Variants in DAB1 observed in about 807,000 individuals in gnomAD.
The protein encoded by DAB1 is disabled homolog 1.
In DAB1, 15 loss-of-function variants were observed where a neutral mutation model predicts 64.6. The ratio of observed to expected loss-of-function variants is 0.23; its 90% CI spans 0.16 to 0.36. DAB1 has a LOEUF of 0.36. Ranked by LOEUF, DAB1 falls within the 10% of genes least tolerant of loss-of-function variation. The probability of loss-of-function intolerance (pLI) is 1.00; values close to 1 mark genes in which losing one functional copy is unlikely to be tolerated. For synonymous variants in DAB1, 235 were observed against 251.9 expected, an observed-to-expected ratio of 0.93 and a Z score of 0.64; for missense variants, 596 against 706.7, an observed-to-expected ratio of 0.84 and a Z score of 1.78.
chr1:57,699,774 G>C (rs761171915), intron 6 of DAB1, among the ~76,000 whole-genome samples: 2 of 152,076 alleles, frequency 1.3e-5, no homozygotes, highest in East Asian at 1.9e-4. Flanking sequence ...TTAGCTCGGC[G>C]TGGTGGTGCG....
intron 1 of DAB1, among the ~76,000 whole-genome samples, chr1:57,320,918 C>A (rs1334327538): frequency 6.6e-6 from 1 of 152,194 alleles, no homozygotes; most frequent in East Asian, 1.9e-4. Flanking sequence ...TAAATCCAAG[C>A]AGTCTGACTA....
intron 6 of DAB1, among the ~76,000 whole-genome samples, chr1:57,653,343 G>C (rs1029218406): frequency 6.6e-6 from 1 of 152,086 alleles, no homozygotes; most frequent in Non-Finnish European, 1.5e-5. Flanking sequence ...GTATCCTAAC[G>C]TAGGTATCCA....
intron 6 of DAB1, among the ~76,000 whole-genome samples, chr1:57,811,227 A>T (rs1651604372): frequency 6.6e-6 from 1 of 152,196 alleles, no homozygotes; most frequent in Admixed American, 6.5e-5. Context: ...TCCCCACCCA[A>T]ATCTCACGTC....
intron 5 of DAB1, among the ~76,000 whole-genome samples, chr1:57,996,887 C>T (rs1646433546): frequency 6.6e-6 from 1 of 152,078 alleles, no homozygotes; most frequent in African/African-American, 2.4e-5. Context: ...TTTGGGGGGT[C>T]TGTTGGTGAG....
Position 58,473,545 on chromosome 1 carries a change from AAAATAAATAAAT to A in DAB1, n.257+32503_257+32514del, listed in dbSNP as rs56211911. The stretch of plus-strand genomic sequence containing the variant: ...CGACAGAGCAAGACTCCGTCTCAAA[AAAATAAATAAAT>A]AAATAAATAAATAAATAAATAAATA... On this transcript the variant is annotated intron_variant and non_coding_transcript_variant, in intron 3 of 20. Coordinates refer to the DAB1 transcript ENST00000485760. 8.6e-3 allele frequency among the ~76,000 whole-genome samples: 1,053 copies of A among 122,632 alleles called. 10 individuals are homozygous for A. The highest frequency in any genetic ancestry group is 0.026 in the African/African-American group (908 of 35,198). 80.5% of individuals were successfully genotyped at this position (122,632 alleles called of 152,430 possible).
intron 6 of DAB1, among the ~76,000 whole-genome samples, chr1:57,734,174 C>T (rs1291036595): frequency 6.6e-6 from 1 of 152,154 alleles, no homozygotes; most frequent in African/African-American, 2.4e-5. Flanking sequence ...AAAGTCTCGT[C>T]CTTGCCATTC....
intron 2 of DAB1, among the ~76,000 whole-genome samples, chr1:57,267,213 G>A (rs188197733): frequency 2.7e-4 from 40 of 149,948 alleles, no homozygotes; most frequent in Non-Finnish European, 4.5e-4. Context: ...ACCAGCCAAG[G>A]AATGCCAGTG....
intron 2 of DAB1, among the ~76,000 whole-genome samples, chr1:58,506,868 A>G (rs1181457587): frequency 6.6e-6 from 1 of 152,138 alleles, no homozygotes; most frequent in African/African-American, 2.4e-5. Context: ...ATAAAACACA[A>G]TACCTTATAA....
At chr1:57,896,240 C>T (rs1485981175) in intron 5 of DAB1, among the ~76,000 whole-genome samples, 3 of 152,098 alleles carry the variant, frequency 2.0e-5, no homozygotes, top group Non-Finnish European at 2.9e-5. Context: ...GTATCACTAT[C>T]GTGTACATCA....
At chr1:58,391,414 G>C (rs1000186024) in intron 3 of DAB1, among the ~76,000 whole-genome samples, 1 of 152,220 alleles carries the variant, frequency 6.6e-6, no homozygotes, top group South Asian at 2.1e-4. Context: ...ACAGGGCAGA[G>C]GAGGAGGGAG....
intron 1 of DAB1, among the ~76,000 whole-genome samples, chr1:57,402,315 A>G (rs1372812474): frequency 6.6e-6 from 1 of 152,236 alleles, no homozygotes; most frequent in Non-Finnish European, 1.5e-5. Context: ...ACCATATTTT[A>G]TTACACAAAG....
intron 1 of DAB1, among the ~76,000 whole-genome samples, chr1:57,371,765 T>C (rs1680515135): frequency 6.6e-6 from 1 of 152,192 alleles, no homozygotes; most frequent in Non-Finnish European, 1.5e-5. Context: ...AGATCTTTGT[T>C]TGGCCACCAC....
intron 4 of DAB1, among the ~76,000 whole-genome samples, chr1:58,175,589 G>A (rs927906526): frequency 2.6e-5 from 4 of 152,020 alleles, no homozygotes; most frequent in African/African-American, 9.7e-5. Context: ...TACTCTTTTT[G>A]CATGCTTATT....
intron 4 of DAB1, among the ~76,000 whole-genome samples, chr1:58,298,990 T>C (rs1662056283): frequency 6.6e-6 from 1 of 152,218 alleles, no homozygotes; most frequent in African/African-American, 2.4e-5. Context: ...TCCCTTGTTC[T>C]ATTCCAAAAA....
Position 57,722,176 on chromosome 1 carries a change from A to G in DAB1, n.552-72511T>C, listed in dbSNP as rs181775711. ...CAGGGAGCAATTCACACTTTATGTA[A>G]AGCAATTCACACTTTATGTAAAGCC... On this transcript the variant is annotated intron_variant and non_coding_transcript_variant, in intron 6 of 20. Coordinates refer to the DAB1 transcript ENST00000485760. 9.9e-5 allele frequency among the ~76,000 whole-genome samples: 15 copies of G among 151,674 alleles called. No homozygotes were observed. The East Asian group carries it at 2.9e-3, about 29-fold the overall frequency.
At chr1:58,326,418 C>T (rs1319993206) in intron 4 of DAB1, among the ~76,000 whole-genome samples, 2 of 152,068 alleles carry the variant, frequency 1.3e-5, no homozygotes, top group Non-Finnish European at 2.9e-5. Flanking sequence ...AGCCTGGGAC[C>T]CCCTGAATGC....
intron 5 of DAB1, among the ~76,000 whole-genome samples, chr1:57,963,404 C>G (rs543853215): frequency 6.6e-6 from 1 of 152,266 alleles, no homozygotes; most frequent in East Asian, 1.9e-4. Context: ...TCACATGAAC[C>G]TCTGCTTCTA....
chr1:57,215,532 T>C (rs941530424), intron 2 of DAB1, among the ~76,000 whole-genome samples: 4 of 152,168 alleles, frequency 2.6e-5, no homozygotes, highest in Admixed American at 2.6e-4. Flanking sequence ...GAAAAAAACG[T>C]CTTTGTGTTG....
intron 5 of DAB1, among the ~76,000 whole-genome samples, chr1:58,000,767 C>T (rs1646495796): frequency 6.6e-6 from 1 of 151,854 alleles, no homozygotes; most frequent in Non-Finnish European, 1.5e-5. Context: ...GTCGGGGTTT[C>T]ACCATGCTGG....
Sources: allele counts gnomAD v4.1 joint callset (sites outside exome capture counted in the v4.1 genomes callset), GRCh38; gene constraint gnomAD v4.1.1; transcripts MANE v1.5; gene names NCBI Gene and HGNC (gene_info 2026-07-23, HGNC 2026-07-21).